MRPS28: variants seen among roughly 807,000 people sequenced by gnomAD.
MRPS28 encodes the protein small ribosomal subunit protein bS1m.
MRPS28 carries 7 observed loss-of-function variants against 10.8 expected under a neutral mutation model. The observed-to-expected ratio is 0.65, with a 90% CI of 0.37 to 1.22. MRPS28 has a LOEUF of 1.22. Among genes scored for constraint, MRPS28 ranks in the 50% most tolerant of loss-of-function variants. The pLI is 0.02. For synonymous variants in MRPS28, 121 were observed against 93.3 expected (o/e 1.30, Z -1.71); for missense variants, 265 against 232.9 (o/e 1.14, Z -0.90).
chr8:79,961,783 T>G (rs1252089045), intron 2 of MRPS28, among the ~76,000 whole-genome samples: 1 of 152,180 alleles, frequency 6.6e-6, no homozygotes, highest in African/African-American at 2.4e-5. Flanking sequence ...ACTTAGTATC[T>G]GTCAAAATAA....
intron 2 of MRPS28, among the ~76,000 whole-genome samples, chr8:79,977,565 C>T (rs1399877984): frequency 6.6e-6 from 1 of 152,044 alleles, no homozygotes; most frequent in Non-Finnish European, 1.5e-5. Flanking sequence ...ACCTGCAATC[C>T]CAGCACTTTG....
chr8:79,937,540 T>C (rs1203355115), intron 2 of MRPS28, among the ~76,000 whole-genome samples: 1 of 152,200 alleles, frequency 6.6e-6, no homozygotes, highest in African/African-American at 2.4e-5. Flanking sequence ...GAAATACACC[T>C]CTAATTTTCA....
chr8:79,976,085 C>T (rs76092365), intron 2 of MRPS28, among the ~76,000 whole-genome samples: 3 of 143,936 alleles, frequency 2.1e-5, no homozygotes, highest in Middle Eastern at 7.2e-3. Flanking sequence ...TGTTAAGAAT[C>T]TTTTTTTTTT....
At chr8:80,023,646 A>G (rs1174158333) in intron 1 of MRPS28, among the ~76,000 whole-genome samples, 1 of 152,246 alleles carries the variant, frequency 6.6e-6, no homozygotes, top group Non-Finnish European at 1.5e-5. Flanking sequence ...AAATAAATTT[A>G]AAATTTGAGT....
chr8:79,923,482 T>A (rs1476801104), intron 2 of MRPS28, among the ~76,000 whole-genome samples: 1 of 152,188 alleles, frequency 6.6e-6, no homozygotes, highest in African/African-American at 2.4e-5. Context: ...ATGGCTACTT[T>A]CAAATAAATT....
intron 2 of MRPS28, among the ~76,000 whole-genome samples, chr8:79,925,517 T>A (rs1586038062): frequency 6.6e-6 from 1 of 152,254 alleles, no homozygotes; most frequent in East Asian, 1.9e-4. Context: ...CAAACAGAAG[T>A]TTTGTCTCTT....
At chr8:79,933,063 A>G (rs1230582228) in intron 2 of MRPS28, among the ~76,000 whole-genome samples, 2 of 152,084 alleles carry the variant, frequency 1.3e-5, no homozygotes, top group East Asian at 3.8e-4. Context: ...GGGAAGCAAG[A>G]CCTTTTTTAT....
intron 2 of MRPS28, among the ~76,000 whole-genome samples, chr8:79,932,091 A>G (rs1307869060): frequency 6.6e-6 from 1 of 152,098 alleles, no homozygotes; most frequent in Non-Finnish European, 1.5e-5. Flanking sequence ...TCATTCATTT[A>G]CTCAAAAATG....
intron 2 of MRPS28, among the ~76,000 whole-genome samples, chr8:79,940,275 A>G (rs768813198): frequency 2.0e-5 from 3 of 152,198 alleles, no homozygotes; most frequent in Non-Finnish European, 4.4e-5. Flanking sequence ...GAGAGCTGTT[A>G]TTATAGGATT....
rs369180520 is a variant in MRPS28, at chr8:80,002,827, C to G, written c.395+172G>C. On this transcript the variant is annotated intron_variant, in intron 2 of 2. Transcript: ENST00000276585. ...TGCTTTGAGAAGATATGAGTCTGGC[C>G]TGACATGACCAACAAGTATTTTTAA... is the stretch of plus-strand genomic sequence containing the variant. 3.3e-5 allele frequency among the ~76,000 whole-genome samples: 5 copies of G among 152,194 alleles called. No individual in the cohort carries two copies. The East Asian group carries it at 5.8e-4, about 18-fold the overall frequency.
At chr8:80,019,478 A>G (rs1188992730) in intron 1 of MRPS28, among the ~76,000 whole-genome samples, 1 of 151,858 alleles carries the variant, frequency 6.6e-6, no homozygotes, top group African/African-American at 2.4e-5. Flanking sequence ...CTCTCAGAAA[A>G]CTAGAGAAAG....
At chr8:80,025,270 A>C (rs1490369632) in intron 1 of MRPS28, among the ~76,000 whole-genome samples, 1 of 152,210 alleles carries the variant, frequency 6.6e-6, no homozygotes, top group Non-Finnish European at 1.5e-5. Context: ...CCCAGTTTCC[A>C]ATTTCTATAT....
chr8:79,986,408 T>C (rs1808175409), intron 2 of MRPS28, among the ~76,000 whole-genome samples: 1 of 152,132 alleles, frequency 6.6e-6, no homozygotes. Flanking sequence ...CAACATAGTG[T>C]TGGAAGTTCT....
intron 1 of MRPS28, among the ~76,000 whole-genome samples, chr8:80,026,247 T>C (rs1809490922): frequency 6.6e-6 from 1 of 152,230 alleles, no homozygotes; most frequent in Non-Finnish European, 1.5e-5. Context: ...TTCCTATCAA[T>C]ACCCAACAAC....
chr8:80,028,648 G>GCGGGGGGGGGGGGGAGGGC (rs1322276643), intron 1 of MRPS28: 1 of 98,120 alleles, frequency 1.0e-5, no homozygotes, highest in African/African-American at 4.5e-5. Context: ...CAGAAGACGG[G>GCGGGGGGGGGGGGGAGGGC]CGGGGGGGGC....
intron 2 of MRPS28, among the ~76,000 whole-genome samples, chr8:79,983,113 C>G (rs901619800): frequency 3.9e-5 from 6 of 152,122 alleles, no homozygotes; most frequent in Non-Finnish European, 8.8e-5. Context: ...ATTCACGGTT[C>G]AAGAAAATCC....
chr8:79,919,616 G>A (rs1372375722), intron 2 of MRPS28, among the ~76,000 whole-genome samples: 1 of 152,156 alleles, frequency 6.6e-6, no homozygotes, highest in African/African-American at 2.4e-5. Context: ...TAACAGGTGT[G>A]AGTCACTGCC....
intron 1 of MRPS28, among the ~76,000 whole-genome samples, chr8:80,003,791 T>C (rs55764143): frequency 0.014 from 2,185 of 152,260 alleles, 55 homozygotes; most frequent in African/African-American, 0.049. Context: ...CCCACCTTAA[T>C]AGTGCGCTTT....
chr8:80,030,034 A>C lies in MRPS28; in HGVS notation c.213+2T>G, dbSNP rs982446462. 25 of 1,612,052 alleles carry C rather than the reference A, an allele frequency of 1.6e-5. No homozygotes were observed. In the African/African-American group the frequency reaches 3.2e-4, roughly 21 times the overall value. ...ACTCCCTCTCACCCGCCCGGGCTCC[A>C]CCTTCTGTAGGGGCTCCACCTTCTG... On this transcript the variant is annotated splice_donor_variant, in intron 1 of 2. Coordinates refer to ENST00000276585, the MANE Select transcript of MRPS28 (RefSeq NM_014018.3). LOFTEE classifies it high-confidence loss of function.
Sources: allele counts gnomAD v4.1 joint callset (sites outside exome capture counted in the v4.1 genomes callset), GRCh38; gene constraint gnomAD v4.1.1; transcripts MANE v1.5; gene names NCBI Gene and HGNC (gene_info 2026-07-23, HGNC 2026-07-21).